PICALM: variants seen among roughly 807,000 people sequenced by gnomAD.
PICALM encodes phosphatidylinositol-binding clathrin assembly protein.
PICALM carries 40 observed loss-of-function variants against 80.5 expected under a neutral mutation model. The observed-to-expected ratio is 0.50, with a 90% confidence interval of 0.39 to 0.65. The LOEUF (loss-of-function observed/expected upper bound fraction) is 0.65. Among genes scored for constraint, PICALM ranks in the 30% least tolerant of loss-of-function variants. The probability of loss-of-function intolerance (pLI) is 0.00; values close to 1 mark genes in which losing one functional copy is unlikely to be tolerated. For synonymous variants in PICALM, 288 were observed against 260.3 expected, an observed-to-expected ratio of 1.11 and a Z score of -1.02; for missense variants, 676 against 778.9, an observed-to-expected ratio of 0.87 and a Z score of 1.57.
At chr11:85,989,702 T>C (rs573149625) in intron 13 of PICALM, among the ~76,000 whole-genome samples, 1 of 152,254 alleles carries the variant, frequency 6.6e-6, no homozygotes, top group Admixed American at 6.5e-5. Context: ...ACATACTTCC[T>C]ACTTTTATCT....
At chr11:86,046,832 C>CTCA (rs2096079227) in intron 1 of PICALM, among the ~76,000 whole-genome samples, 1 of 152,186 alleles carries the variant, frequency 6.6e-6, no homozygotes, top group Admixed American at 6.5e-5. Flanking sequence ...GATACAAGGT[C>CTCA]TCACTATGTT....
rs1055081754 is a variant in PICALM at position 86,068,635 on chromosome 11, G to T, written c.130+16C>A. Reference sequence around the variant, plus strand: ...GCGGGCGCCGGGGAGCGGGGGCCGCGGTCGGCTTCACTCACAGTCCAGGTG... The same window carrying T: ...GCGGGCGCCGGGGAGCGGGGGCCGCTGTCGGCTTCACTCACAGTCCAGGTG... On this transcript the variant is annotated intron_variant, in intron 1 of 19. Transcript: ENST00000393346. The T allele has an allele frequency of 6.3e-7, 1 of 1,597,674 alleles. No homozygotes were observed. Among genetic ancestry groups the T allele is most frequent in the East Asian group, 2.2e-5 (1 of 44,530 alleles).
intron 1 of PICALM, among the ~76,000 whole-genome samples, chr11:86,067,041 C>T (rs1565626907): frequency 6.6e-6 from 1 of 152,342 alleles, no homozygotes; most frequent in South Asian, 2.1e-4. Flanking sequence ...GAATCAAGCA[C>T]TAATGCTTTT....
chr11:86,035,339 A>C (rs1436093817), intron 1 of PICALM, among the ~76,000 whole-genome samples: 1 of 152,332 alleles, frequency 6.6e-6, no homozygotes, highest in East Asian at 1.9e-4. Context: ...ACAGCAAGTC[A>C]GGCAACCCAG....
intron 1 of PICALM, among the ~76,000 whole-genome samples, chr11:86,052,876 T>A (rs923771733): frequency 2.0e-5 from 3 of 152,188 alleles, no homozygotes; most frequent in Admixed American, 1.3e-4. Flanking sequence ...AGCACCCCAT[T>A]TACAAATCTC....
intron 7 of PICALM, among the ~76,000 whole-genome samples, chr11:86,010,815 C>A (rs1044147818): frequency 6.6e-6 from 1 of 152,200 alleles, no homozygotes; most frequent in Admixed American, 6.5e-5. Flanking sequence ...AAACAGGTAA[C>A]TTTTCAATAC....
chr11:86,038,558 G>A (rs2095884211), intron 1 of PICALM, among the ~76,000 whole-genome samples: 3 of 151,112 alleles, frequency 2.0e-5, no homozygotes, highest in African/African-American at 7.3e-5. Flanking sequence ...CGAGGCGGGT[G>A]GATCATGAGG....
intron 4 of PICALM, 70 bp downstream of exon 4, chr11:86,022,297 T>G: frequency 1.2e-6 from 1 of 826,398 alleles, no homozygotes; most frequent in Non-Finnish European, 1.9e-6. Flanking sequence ...TAATTCATAA[T>G]CTAGTAACTC....
intron 9 of PICALM, among the ~76,000 whole-genome samples, chr11:86,003,007 G>A (rs1420575969): frequency 1.3e-5 from 2 of 151,222 alleles, no homozygotes; most frequent in Non-Finnish European, 2.9e-5. Flanking sequence ...GTGAGACTCT[G>A]CCTCGGGGGA....
chr11:85,986,557 A>T (rs1245268551), intron 13 of PICALM, among the ~76,000 whole-genome samples: 2 of 148,608 alleles, frequency 1.3e-5, no homozygotes, highest in Non-Finnish European at 3.0e-5. Context: ...CGCCCGGCTA[A>T]TTTTTTGTAT....
intron 19 of PICALM, among the ~76,000 whole-genome samples, chr11:85,970,800 T>C (rs2094082079): frequency 6.6e-6 from 1 of 152,140 alleles, no homozygotes; most frequent in Non-Finnish European, 1.5e-5. Flanking sequence ...GAGACTCCAT[T>C]ACCCACACAC....
At chr11:86,017,667 A>G (rs1336418849) in intron 4 of PICALM, among the ~76,000 whole-genome samples, 2 of 152,222 alleles carry the variant, frequency 1.3e-5, no homozygotes, top group Admixed American at 1.3e-4. Flanking sequence ...AGTATGGTAG[A>G]AAGGGTTATA....
At chr11:86,062,882 C>T (rs987008973) in intron 1 of PICALM, among the ~76,000 whole-genome samples, 2 of 152,122 alleles carry the variant, frequency 1.3e-5, no homozygotes, top group Admixed American at 6.5e-5. Context: ...CACAAAGTAA[C>T]GGAAATGCCA....
intron 1 of PICALM, among the ~76,000 whole-genome samples, chr11:86,043,997 C>A (rs1347010797): frequency 1.3e-5 from 2 of 152,170 alleles, no homozygotes; most frequent in Non-Finnish European, 2.9e-5. Flanking sequence ...GCTTTGCAAA[C>A]CTCAGTAAGA....
In PICALM at chr11:85,957,929, G is replaced by C. The variant is rs1366034654; in HGVS notation, c.*1117C>G. On this transcript the variant is annotated 3_prime_UTR_variant, in exon 20 of 20. Coordinates refer to ENST00000393346, the MANE Select transcript of PICALM (RefSeq NM_007166.4). ...TCTTCGTTTACTAAACTCTTGGCTA[G>C]ACATTAACTTTAAAGATACTATTTC... is the stretch of plus-strand genomic sequence containing the variant. The C allele has an allele frequency of 4.5e-6, 1 of 223,900 alleles. No individual in the cohort carries two copies. The highest frequency in any genetic ancestry group is 2.2e-5 in the African/African-American group (1 of 44,790). 13.9% of individuals were successfully genotyped at this position (223,900 alleles called of 1,614,324 possible).
chr11:85,959,136 T>A (rs1473407072), intron 19 of PICALM, 76 bp from the exon 20 acceptor site: 1 of 1,024,434 alleles, frequency 9.8e-7, no homozygotes, highest in Admixed American at 2.1e-5. Context: ...CTTTGTGGTC[T>A]TTACCATTTA....
intron 14 of PICALM, among the ~76,000 whole-genome samples, chr11:85,982,750 G>A (rs987882045): frequency 1.3e-5 from 2 of 152,004 alleles, no homozygotes; most frequent in African/African-American, 4.8e-5. Flanking sequence ...TAAAAGCAGA[G>A]AATGTAAGAG....
intron 2 of PICALM, among the ~76,000 whole-genome samples, chr11:86,027,815 C>T (rs1184638948): frequency 6.6e-6 from 1 of 152,102 alleles, no homozygotes; most frequent in Non-Finnish European, 1.5e-5. Flanking sequence ...GAAACTGCGC[C>T]CGGCCTCCAA....
chr11:85,972,723 G>T (rs959766438), intron 19 of PICALM, among the ~76,000 whole-genome samples: 1 of 152,040 alleles, frequency 6.6e-6, no homozygotes, highest in Non-Finnish European at 1.5e-5. Context: ...AATACATTTA[G>T]GTTTCTATCA....
Sources: gnomAD v4.1 joint callset for allele counts (sites outside exome capture counted in the v4.1 genomes callset) on GRCh38, gnomAD v4.1.1 for gene constraint, MANE v1.5 for transcripts, NCBI Gene and HGNC (gene_info 2026-07-23, HGNC 2026-07-21) for gene names.